The following ZNF423 variants were observed in gnomAD, a reference collection of about 807,000 sequenced individuals.
ZNF423 encodes the protein zinc finger protein 423, also known as Ebf-associated zinc finger protein.
A neutral mutation model predicts 95.8 loss-of-function variants in ZNF423; 12 were observed. The observed-to-expected ratio is 0.13, with a 90% CI of 0.08 to 0.20. The LOEUF (loss-of-function observed/expected upper bound fraction) is 0.20, where lower values mean the gene tolerates loss of function less well. Ranked by LOEUF, ZNF423 falls within the 10% of genes least tolerant of loss-of-function variation. ZNF423 has a pLI of 1.00. For missense variants in ZNF423, 1,316 were observed against 1,737.1 expected (o/e 0.76, Z 4.31); for synonymous variants, 749 against 711.9 (o/e 1.05, Z -0.83).
chr16:49,615,342 A>C (rs1971842935), intron 5 of ZNF423, among the ~76,000 whole-genome samples: 1 of 152,208 alleles, frequency 6.6e-6, no homozygotes, highest in Non-Finnish European at 1.5e-5. Context: ...ACTTCGACTA[A>C]AAATGTATTG....
chr16:49,721,122 G>A (rs2032854060), intron 3 of ZNF423, among the ~76,000 whole-genome samples: 1 of 152,222 alleles, frequency 6.6e-6, no homozygotes, highest in Non-Finnish European at 1.5e-5. Context: ...AGGCCCTGGA[G>A]GACCAAGCTT....
chr16:49,761,865 T>A (rs747218841), intron 2 of ZNF423, among the ~76,000 whole-genome samples: 11 of 152,238 alleles, frequency 7.2e-5, no homozygotes, highest in South Asian at 2.1e-4. Flanking sequence ...TTGCTCAGGC[T>A]GGAATGCAGT....
chr16:49,740,348 C>A (rs2033388963), intron 2 of ZNF423, among the ~76,000 whole-genome samples: 1 of 152,196 alleles, frequency 6.6e-6, no homozygotes, highest in Admixed American at 6.5e-5. Flanking sequence ...CCTCCATGAA[C>A]ACTCTCTCAA....
At chr16:49,843,069 A>T (rs1478247852) in intron 1 of ZNF423, among the ~76,000 whole-genome samples, 2 of 152,210 alleles carry the variant, frequency 1.3e-5, no homozygotes, top group Non-Finnish European at 2.9e-5. Flanking sequence ...CTATTATTGA[A>T]GGGTAAATTG....
intron 3 of ZNF423, among the ~76,000 whole-genome samples, chr16:49,667,471 G>A (rs568692623): frequency 6.6e-6 from 1 of 152,350 alleles, no homozygotes; most frequent in South Asian, 2.1e-4. Flanking sequence ...GGGATGGAGG[G>A]AAGCCTTCAG....
intron 5 of ZNF423, among the ~76,000 whole-genome samples, chr16:49,585,965 A>C (rs1230773856): frequency 6.6e-6 from 1 of 152,156 alleles, no homozygotes; most frequent in Non-Finnish European, 1.5e-5. Flanking sequence ...GACGTCTGAA[A>C]TATACAACTG....
intron 7 of ZNF423, among the ~76,000 whole-genome samples, chr16:49,503,057 G>A (rs993786961): frequency 2.0e-5 from 3 of 148,232 alleles, no homozygotes; most frequent in Non-Finnish European, 4.5e-5. Context: ...GGATACCCTC[G>A]AATCCCCCCC....
chr16:49,542,810 G>C (rs542397259), intron 5 of ZNF423, among the ~76,000 whole-genome samples: 2 of 152,312 alleles, frequency 1.3e-5, no homozygotes, highest in South Asian at 4.1e-4. Flanking sequence ...GACAGGCTCT[G>C]GGGGTGGGGA....
chr16:49,689,481 A>G (rs2031697369), intron 3 of ZNF423, among the ~76,000 whole-genome samples: 1 of 152,102 alleles, frequency 6.6e-6, no homozygotes. Flanking sequence ...ATTTAGGCCA[A>G]TATTTGCAAA....
At chr16:49,515,964 C>T (rs1597033290) in intron 7 of ZNF423, among the ~76,000 whole-genome samples, 1 of 152,190 alleles carries the variant, frequency 6.6e-6, no homozygotes, top group Non-Finnish European at 1.5e-5. Flanking sequence ...TCTGCTGAGG[C>T]CTGAGGCTGG....
intron 5 of ZNF423, among the ~76,000 whole-genome samples, chr16:49,625,391 G>T (rs775895163): frequency 6.6e-6 from 1 of 152,176 alleles, no homozygotes; most frequent in Non-Finnish European, 1.5e-5. Context: ...TCAACCCATG[G>T]CTGCAACTTC....
intron 5 of ZNF423, among the ~76,000 whole-genome samples, chr16:49,527,113 G>T (rs1293541541): frequency 6.6e-6 from 1 of 152,158 alleles, no homozygotes; most frequent in African/African-American, 2.4e-5. Flanking sequence ...GAGACAGCAG[G>T]CATTCCCCCT....
Position 49,853,944 on chromosome 16 carries a change from G to T in ZNF423, c.40+1791C>A. On this transcript the variant is annotated intron_variant, in intron 1 of 7. Coordinates refer to ENST00000563137, the MANE Select transcript of ZNF423 (RefSeq NM_001379286.1). ...TTAAATAAAACTGTTTTTCCAACCA[G>T]AAATTCCAATTCCACATTTTCTTCT... is the stretch of plus-strand genomic sequence containing the variant. 3 of 985,424 alleles carry T rather than the reference G, an allele frequency of 3.0e-6. No homozygotes were observed. In the South Asian group the frequency reaches 1.4e-4, roughly 46 times the overall value. The allele number at this position is 985,424 out of a possible 1,614,324, so 61.0% of individuals were successfully genotyped here. A position where few individuals can be genotyped will look rare whatever the true frequency, so the allele number is the denominator to read the frequency against.
intron 3 of ZNF423, among the ~76,000 whole-genome samples, chr16:49,703,303 A>AT (rs979885295): frequency 8.9e-4 from 136 of 152,242 alleles, no homozygotes; most frequent in African/African-American, 3.1e-3. Flanking sequence ...CCTTCATTGA[A>AT]TTTTTTTTAA....
intron 7 of ZNF423, among the ~76,000 whole-genome samples, chr16:49,498,890 C>T (rs544487450): frequency 2.3e-4 from 35 of 152,274 alleles, no homozygotes; most frequent in African/African-American, 6.7e-4. Flanking sequence ...TTCTGACAAA[C>T]GGTAAGCATA....
intron 3 of ZNF423, among the ~76,000 whole-genome samples, chr16:49,659,639 G>A (rs2030094133): frequency 6.6e-6 from 1 of 152,238 alleles, no homozygotes; most frequent in African/African-American, 2.4e-5. Context: ...GAGGAGGCCG[G>A]GTGGACAGTG....
chr16:49,497,216 C>T (rs901871709), intron 7 of ZNF423, among the ~76,000 whole-genome samples: 1 of 151,180 alleles, frequency 6.6e-6, no homozygotes, highest in African/African-American at 2.4e-5. Context: ...TCCATCCATC[C>T]GCCCATCTAT....
rs1451430287 is a variant in ZNF423, at chr16:49,771,199, T to C, written c.100+18288A>G. On this transcript the variant is annotated intron_variant, in intron 2 of 7. Transcript: ENST00000563137. ...AATTTCTTTTTTTTTTTTCTTTTTT[T>C]TTTTTTTTTTTTTGAGAAGGAGTCT... 3.6e-5 allele frequency among the ~76,000 whole-genome samples: 5 copies of C among 140,472 alleles called. 1 individual carries two copies. Among genetic ancestry groups the C allele is most frequent in the South Asian group, 4.9e-4 (2 of 4,122 alleles). 92.2% of individuals were successfully genotyped at this position (140,472 alleles called of 152,430 possible).
At chr16:49,775,012 A>C (rs2034097224) in intron 2 of ZNF423, among the ~76,000 whole-genome samples, 1 of 152,154 alleles carries the variant, frequency 6.6e-6, no homozygotes, top group South Asian at 2.1e-4. Context: ...AAGTTACCCC[A>C]GCAGCTGCCC....
Sources: gnomAD v4.1 joint callset for allele counts (sites outside exome capture counted in the v4.1 genomes callset) on GRCh38, gnomAD v4.1.1 for gene constraint, MANE v1.5 for transcripts, NCBI Gene and HGNC (gene_info 2026-07-23, HGNC 2026-07-21) for gene names.